CRACD: variants seen among roughly 807,000 people sequenced by gnomAD.
CRACD encodes the protein capping protein-inhibiting regulator of actin dynamics.
CRACD carries 56 observed loss-of-function variants against 106.8 expected under a neutral mutation model. The ratio of observed to expected loss-of-function variants is 0.52; its 90% CI spans 0.42 to 0.66. The LOEUF is 0.66. CRACD is among the 30% of genes least tolerant of loss of function. CRACD has a pLI of 0.00. For synonymous variants in CRACD, 754 were observed against 670.8 expected (o/e 1.12, Z -1.92); for missense variants, 1,730 against 1,623.2 (o/e 1.07, Z -1.13).
At chr4:56,244,068 C>T (rs1034868332) in intron 2 of CRACD, among the ~76,000 whole-genome samples, 1 of 152,114 alleles carries the variant, frequency 6.6e-6, no homozygotes, top group African/African-American at 2.4e-5. Context: ...GATTGTCTTA[C>T]TGGGAAAATG....
chr4:56,137,402 T>G (rs1243660892), intron 1 of CRACD, among the ~76,000 whole-genome samples: 2 of 151,996 alleles, frequency 1.3e-5, no homozygotes, highest in Non-Finnish European at 2.9e-5. Context: ...AAAGCAAAAA[T>G]AGTAACAATA....
At chr4:56,062,063 AT>A (rs1407636978) in intron 1 of CRACD, among the ~76,000 whole-genome samples, 3 of 152,220 alleles carry the variant, frequency 2.0e-5, no homozygotes, top group Non-Finnish European at 4.4e-5. Context: ...TGTGTTGGTA[AT>A]TTGTATCCTA....
At chr4:56,194,553 A>T (rs1382767892) in intron 2 of CRACD, among the ~76,000 whole-genome samples, 1 of 152,204 alleles carries the variant, frequency 6.6e-6, no homozygotes, top group Non-Finnish European at 1.5e-5. Context: ...TAGGATATAC[A>T]GCCTTTGGGG....
At chr4:56,139,250 A>ACCT (rs1735112750) in intron 1 of CRACD, among the ~76,000 whole-genome samples, 1 of 152,176 alleles carries the variant, frequency 6.6e-6, no homozygotes, top group Non-Finnish European at 1.5e-5. Context: ...AAAGCTTAGG[A>ACCT]GCAAGAAAAA....
At chr4:56,141,682 AT>A (rs1171920777) in intron 1 of CRACD, among the ~76,000 whole-genome samples, 14,253 of 82,456 alleles carry the variant, frequency 0.17, 1,310 homozygotes, top group African/African-American at 0.26. Context: ...AGGAAGTACT[AT>A]TTTTTTTTTT....
chr4:56,313,120 C>A, intron 6 of CRACD, 77 bp from the exon 7 acceptor site: 3 of 1,320,094 alleles, frequency 2.3e-6, no homozygotes, highest in Non-Finnish European at 3.2e-6. Flanking sequence ...CACACTGGAA[C>A]GAGTGCCACC....
At chr4:56,221,433 G>C (rs2109513562) in intron 2 of CRACD, among the ~76,000 whole-genome samples, 1 of 152,234 alleles carries the variant, frequency 6.6e-6, no homozygotes, top group Admixed American at 6.5e-5. Context: ...TTGGCTTGAG[G>C]AATGGGGTAG....
At chr4:56,238,404 T>C (rs963601570) in intron 2 of CRACD, among the ~76,000 whole-genome samples, 1 of 152,238 alleles carries the variant, frequency 6.6e-6, no homozygotes, top group Non-Finnish European at 1.5e-5. Context: ...CTTCAAAGCC[T>C]TGTGTCCCAA....
intron 3 of CRACD, among the ~76,000 whole-genome samples, chr4:56,275,190 G>A (rs769447949): frequency 6.6e-6 from 1 of 152,110 alleles, no homozygotes; most frequent in Non-Finnish European, 1.5e-5. Context: ...CTTAATACCT[G>A]GGTGATGAAA....
In CRACD at chr4:56,160,260, G is replaced by A. The variant is rs56234639; in HGVS notation, c.-335-19024G>A. On this transcript the variant is annotated intron_variant, in intron 1 of 10. Transcript: ENST00000682029. ...TGCAGTGGCGCGATCTCCACTCACC[G>A]CAACCTCCAATTCCTGGGTTCAAAC... is the stretch of plus-strand genomic sequence containing the variant. Among the ~76,000 whole-genome samples, 1,225 of 146,734 alleles carry A rather than the reference G, an allele frequency of 8.3e-3. 17 individuals are homozygous for A. Among genetic ancestry groups the A allele is most frequent in the African/African-American group, 0.029 (1,167 of 39,604 alleles).
chr4:56,264,258 G>A (rs1020570195), intron 2 of CRACD, among the ~76,000 whole-genome samples: 1 of 152,110 alleles, frequency 6.6e-6, no homozygotes, highest in Admixed American at 6.6e-5. Flanking sequence ...TTCAACATGA[G>A]ATTTGAATGG....
At chr4:56,226,404 C>A (rs1739304964) in intron 2 of CRACD, among the ~76,000 whole-genome samples, 1 of 152,118 alleles carries the variant, frequency 6.6e-6, no homozygotes, top group Non-Finnish European at 1.5e-5. Context: ...AACGCAGATA[C>A]AAGAACTATG....
intron 2 of CRACD, among the ~76,000 whole-genome samples, chr4:56,197,607 A>G (rs187969346): frequency 1.1e-4 from 16 of 152,284 alleles, no homozygotes; most frequent in African/African-American, 3.4e-4. Flanking sequence ...TGTGACTCAG[A>G]CAATGAGGCT....
intron 1 of CRACD, among the ~76,000 whole-genome samples, chr4:56,050,762 A>G (rs1007400708): frequency 1.3e-5 from 2 of 151,986 alleles, no homozygotes; most frequent in African/African-American, 4.8e-5. Flanking sequence ...GGGCAGGGAA[A>G]AAATCATGTT....
In CRACD at chr4:56,314,346, G is replaced by A; in HGVS notation, c.844G>A (p.Glu282Lys). The change falls in exon 8 of 11, where the codon GAG (glutamate) becomes AAG (lysine). Residue 282 changes from glutamate (E) to lysine (K), a missense_variant. Physicochemically the swap from Glu to Lys is moderately conservative, Grantham distance 56 (BLOSUM62 1). Around this residue, in one of 5 missense-constraint regions of CRACD, gnomAD observed 1,620 missense variants for 1,481.6 expected, o/e 1.09. Transcript: ENST00000682029. This position sits in a 1 kb window ranked among gnomAD's most constrained non-coding sequence, Gnocchi z 4.4. ...GGGCGAGGGGCAGGAGCCGCCTCTA[G>A]AGGCGGAAAGGGCGCCGCGGGAAGA... ...EEGEGQEPPLEAERAPREEQQ... is the reference protein window; with the variant it reads ...EEGEGQEPPLKAERAPREEQQ... 6.5e-7 allele frequency: 1 copy of A among 1,549,756 alleles called. No individual in the cohort carries two copies. Among genetic ancestry groups the A allele is most frequent in the South Asian group, 1.2e-5 (1 of 84,028 alleles).
intron 2 of CRACD, among the ~76,000 whole-genome samples, chr4:56,199,694 GA>G (rs992976675): frequency 1.7e-5 from 2 of 120,296 alleles, no homozygotes; most frequent in Non-Finnish European, 3.2e-5. Context: ...AAAAAAAAAA[GA>G]AAAGAAAAAA....
At chr4:56,281,394 G>A (rs1022180963) in intron 3 of CRACD, among the ~76,000 whole-genome samples, 6 of 152,152 alleles carry the variant, frequency 3.9e-5, no homozygotes, top group African/African-American at 1.4e-4. Flanking sequence ...GGTTCCTGGT[G>A]CTGAAAAGGT....
intron 2 of CRACD, among the ~76,000 whole-genome samples, chr4:56,258,752 GTC>G (rs1741518492): frequency 6.6e-6 from 1 of 152,044 alleles, no homozygotes; most frequent in Non-Finnish European, 1.5e-5. Context: ...CAGAGGTCAA[GTC>G]TATACCAATT....
At chr4:56,290,378 G>A (rs905593901) in intron 3 of CRACD, among the ~76,000 whole-genome samples, 1 of 152,216 alleles carries the variant, frequency 6.6e-6, no homozygotes, top group Non-Finnish European at 1.5e-5. Flanking sequence ...AGAAAAGATA[G>A]GAGTTCTGTG....
Sources: gnomAD v4.1 joint callset for allele counts (sites outside exome capture counted in the v4.1 genomes callset) on GRCh38, gnomAD v4.1.1 for gene constraint, gnomAD v4.1.1 regional missense constraint, Gnocchi (gnomAD v3.1) non-coding constraint, MANE v1.5 for transcripts, NCBI Gene and HGNC (gene_info 2026-07-23, HGNC 2026-07-21) for gene names.